Variants in IRAK1BP1 observed in about 807,000 individuals in gnomAD.
The protein encoded by IRAK1BP1 is interleukin-1 receptor-associated kinase 1-binding protein 1.
IRAK1BP1 carries 24 observed loss-of-function variants against 28.0 expected under a neutral mutation model. The observed-to-expected ratio is 0.86, with a 90% CI of 0.62 to 1.20. IRAK1BP1 has a LOEUF of 1.20. Among genes scored for constraint, IRAK1BP1 ranks in the 50% most tolerant of loss-of-function variants. The probability of loss-of-function intolerance (pLI) is 0.00; values close to 1 mark genes in which losing one functional copy is unlikely to be tolerated. For missense variants in IRAK1BP1, 336 were observed against 316.7 expected (o/e 1.06, Z -0.46); for synonymous variants, 131 against 116.3 (o/e 1.13, Z -0.81).
At chr6:78,904,697 C>T (rs111850231), downstream of IRAK1BP1, among the ~76,000 whole-genome samples, 789 of 152,146 alleles carry the variant, frequency 5.2e-3, 11 homozygotes, top group African/African-American at 0.018. Flanking sequence ...AAATCAACTC[C>T]AGCCCAAGTA....
the IRAK1BP1 span, among the ~76,000 whole-genome samples, chr6:78,952,914 CTTTT>C: frequency 6.6e-6 from 1 of 151,078 alleles, no homozygotes; most frequent in East Asian, 1.9e-4. Context: ...TGTCATCTCT[CTTTT>C]TTTTAATGAA....
At chr6:78,873,254 C>CAAA (rs35962544) in intron 1 of IRAK1BP1, among the ~76,000 whole-genome samples, 1,552 of 41,038 alleles carry the variant, frequency 0.038, 392 homozygotes, top group Middle Eastern at 0.083. Context: ...AACTCTGTCT[C>CAAA]AAAAAAAAAA....
chr6:78,913,371 C>T (rs1460822891), intron 4 of IRAK1BP1, among the ~76,000 whole-genome samples: 5 of 148,034 alleles, frequency 3.4e-5, no homozygotes, highest in Admixed American at 6.7e-5. Flanking sequence ...TGGGGCCGGG[C>T]GCAGTGGCTC....
At chr6:78,941,403 G>A in intron 4 of IRAK1BP1, 1 of 1,008,002 alleles carries the variant, frequency 9.9e-7, no homozygotes. Context: ...TGTCAGTAAG[G>A]CCCCATTGGT....
intron 4 of IRAK1BP1, among the ~76,000 whole-genome samples, chr6:78,911,773 A>AC (rs1175500953): frequency 6.6e-6 from 1 of 152,164 alleles, no homozygotes; most frequent in Non-Finnish European, 1.5e-5. Flanking sequence ...ATACTGTACT[A>AC]CCATGTGAAG....
At chr6:78,966,901 T>C in the IRAK1BP1 span, among the ~76,000 whole-genome samples, 1 of 152,226 alleles carries the variant, frequency 6.6e-6, no homozygotes, top group South Asian at 2.1e-4. Flanking sequence ...CTGTATAACT[T>C]TGAATATATT....
In IRAK1BP1 at chr6:78,942,600, C is replaced by T. The variant is rs190362315; in HGVS notation, c.*68-2808C>T. Among the ~76,000 whole-genome samples the T allele has an allele frequency of 1.8e-3, 269 of 152,292 alleles. 1 individual carries two copies. Among genetic ancestry groups the T allele is most frequent in the African/African-American group, 5.6e-3 (232 of 41,550 alleles). ...TCCTGACCCCCATAGTGAAATGACT[C>T]TCTTTAGATTAGTGGTTGGGAAAAA... On this transcript the variant is annotated intron_variant and NMD_transcript_variant, in intron 4 of 4. Transcript: ENST00000606868.
chr6:78,919,115 A>C lies in IRAK1BP1; in HGVS notation c.*67+16005A>C, dbSNP rs115613211. Among the ~76,000 whole-genome samples, 658 of 152,364 alleles carry C rather than the reference A, an allele frequency of 4.3e-3. 2 individuals carry two copies. The highest frequency in any genetic ancestry group is 0.014 in the African/African-American group (597 of 41,588). ...TCTTAGACTTTCAAGTAAACAACAA[A>C]ATTAAAGCAGAAATTTAAAAAGTTC... On this transcript the variant is annotated intron_variant and NMD_transcript_variant, in intron 4 of 4. Transcript: ENST00000606868.
At chr6:78,963,044 C>T in the IRAK1BP1 span, 90 of 1,474,518 alleles carry the variant, frequency 6.1e-5, no homozygotes, top group East Asian at 1.7e-3. Context: ...AGTATTTTTC[C>T]ATTACTTTGT....
At chr6:78,931,154 A>C (rs1773036376) in intron 4 of IRAK1BP1, among the ~76,000 whole-genome samples, 1 of 152,110 alleles carries the variant, frequency 6.6e-6, no homozygotes, top group Non-Finnish European at 1.5e-5. Flanking sequence ...TAATCTTAGC[A>C]CATTGGAAGG....
chr6:78,946,105 T>C (rs1396767846), exon 5 of IRAK1BP1: 2 of 1,613,934 alleles, frequency 1.2e-6, no homozygotes, highest in Admixed American at 1.7e-5. Context: ...AACCACTCGG[T>C]TGCTTCTGGT....
the IRAK1BP1 span, chr6:78,970,253 ACTT>A: frequency 8.0e-7 from 1 of 1,255,470 alleles, no homozygotes; most frequent in South Asian, 1.4e-5. Flanking sequence ...TTGAGAAAAA[ACTT>A]CTTGGTTTAA....
At chr6:78,883,856 A>T (rs1374554050) in intron 1 of IRAK1BP1, among the ~76,000 whole-genome samples, 1 of 152,124 alleles carries the variant, frequency 6.6e-6, no homozygotes, top group Non-Finnish European at 1.5e-5. Flanking sequence ...TTCAGTGTGT[A>T]TCCGTACTGT....
At chr6:78,952,787 C>T in the IRAK1BP1 span, among the ~76,000 whole-genome samples, 7 of 151,752 alleles carry the variant, frequency 4.6e-5, no homozygotes, top group Non-Finnish European at 7.4e-5. Context: ...CATATTTTTT[C>T]CCTATGTTTC....
At chr6:78,868,990 T>C (rs1770696137) in intron 1 of IRAK1BP1, among the ~76,000 whole-genome samples, 2 of 152,208 alleles carry the variant, frequency 1.3e-5, no homozygotes, top group African/African-American at 4.8e-5. Context: ...GATATTTGAA[T>C]TGCATTTATA....
the IRAK1BP1 span, among the ~76,000 whole-genome samples, chr6:78,952,038 G>GT: frequency 6.6e-6 from 1 of 152,084 alleles, no homozygotes; most frequent in African/African-American, 2.4e-5. Flanking sequence ...CAATTGTTGA[G>GT]TTTTTTTCAC....
At chr6:78,972,492 C>A in the IRAK1BP1 span, among the ~76,000 whole-genome samples, 4 of 152,244 alleles carry the variant, frequency 2.6e-5, no homozygotes, top group Non-Finnish European at 5.9e-5. Flanking sequence ...CAAAGGAACA[C>A]AGCTCCTCAC....
chr6:78,947,846 G>A (rs755240144), downstream of IRAK1BP1: 40 of 1,058,536 alleles, frequency 3.8e-5, no homozygotes, highest in South Asian at 4.1e-4. Flanking sequence ...GCAGGGATTC[G>A]CACAGGATTT....
chr6:78,872,666 G>C (rs1433418735), intron 1 of IRAK1BP1, among the ~76,000 whole-genome samples: 1 of 152,130 alleles, frequency 6.6e-6, no homozygotes, highest in Non-Finnish European at 1.5e-5. Context: ...TGGATTTTCG[G>C]ATTAGGGATC....
Sources: gnomAD v4.1 joint callset for allele counts (sites outside exome capture counted in the v4.1 genomes callset) on GRCh38, gnomAD v4.1.1 for gene constraint, MANE v1.5 for transcripts, NCBI Gene and HGNC (gene_info 2026-07-23, HGNC 2026-07-21) for gene names.